EBF1: variants seen among roughly 807,000 people sequenced by gnomAD.
EBF1 encodes transcription factor COE1.
EBF1 carries 10 observed loss-of-function variants against 68.4 expected under a neutral mutation model. The observed-to-expected ratio is 0.15, with a 90% confidence interval of 0.09 to 0.25. The LOEUF (loss-of-function observed/expected upper bound fraction) is 0.25, where lower values mean the gene tolerates loss of function less well. EBF1 is among the 10% of genes least tolerant of loss of function. The pLI is 1.00. For synonymous variants in EBF1, 298 were observed against 299.8 expected, an observed-to-expected ratio of 0.99 and a Z score of 0.06; for missense variants, 509 against 794.4, an observed-to-expected ratio of 0.64 and a Z score of 4.32.
intron 9 of EBF1, 42 bp downstream of exon 9, chr5:158,796,303 C>G: frequency 6.4e-7 from 1 of 1,569,932 alleles, no homozygotes; most frequent in Non-Finnish European, 8.7e-7. Flanking sequence ...GTATCTTCAA[C>G]TAGATCAAGC....
At chr5:158,846,923 A>G (rs1791637255) in intron 6 of EBF1, among the ~76,000 whole-genome samples, 1 of 152,148 alleles carries the variant, frequency 6.6e-6, no homozygotes, top group Admixed American at 6.5e-5. Flanking sequence ...GAGGAATAAG[A>G]TCCTGGAGGG....
intron 7 of EBF1, among the ~76,000 whole-genome samples, chr5:158,834,805 T>C (rs1329341875): frequency 2.0e-5 from 3 of 152,216 alleles, no homozygotes; most frequent in African/African-American, 7.2e-5. Flanking sequence ...GACACGCTCC[T>C]GCGTTGCTAT....
intron 10 of EBF1, among the ~76,000 whole-genome samples, chr5:158,767,934 T>C (rs577106041): frequency 6.6e-6 from 1 of 152,248 alleles, no homozygotes; most frequent in South Asian, 2.1e-4. Context: ...GAGTTCCATT[T>C]TAACTTACGA....
At chr5:158,873,897 GATCAAC>G (rs1477523495) in intron 6 of EBF1, among the ~76,000 whole-genome samples, 1 of 152,238 alleles carries the variant, frequency 6.6e-6, no homozygotes, top group Non-Finnish European at 1.5e-5. Context: ...GCAGTATGCA[GATCAAC>G]AGTGAGAAGC....
intron 6 of EBF1, among the ~76,000 whole-genome samples, chr5:158,918,604 G>A (rs1026988888): frequency 6.6e-6 from 1 of 152,202 alleles, no homozygotes; most frequent in African/African-American, 2.4e-5. Flanking sequence ...GGAACACTGT[G>A]TGTATAGTTA....
At chr5:159,069,363 C>T (rs1366349882) in intron 6 of EBF1, among the ~76,000 whole-genome samples, 1 of 152,090 alleles carries the variant, frequency 6.6e-6, no homozygotes, top group East Asian at 1.9e-4. Context: ...AAGCTGCCCC[C>T]TATCCCACCC....
At chr5:158,768,076 C>T (rs997219521) in intron 10 of EBF1, among the ~76,000 whole-genome samples, 1 of 152,050 alleles carries the variant, frequency 6.6e-6, no homozygotes, top group Non-Finnish European at 1.5e-5. Context: ...GGAGCCGCTC[C>T]CAAGCTCTCA....
intron 6 of EBF1, among the ~76,000 whole-genome samples, chr5:158,967,970 C>T (rs1754512504): frequency 6.6e-6 from 1 of 152,112 alleles, no homozygotes; most frequent in South Asian, 2.1e-4. Flanking sequence ...ATCTAGAAGA[C>T]CTGTCTTGAA....
At chr5:158,796,929 G>T (rs1252609909) in intron 8 of EBF1, among the ~76,000 whole-genome samples, 1 of 152,142 alleles carries the variant, frequency 6.6e-6, no homozygotes, top group Non-Finnish European at 1.5e-5. Flanking sequence ...GAGGAGCCTG[G>T]AGCGGGAAAT....
intron 6 of EBF1, among the ~76,000 whole-genome samples, chr5:158,896,820 A>G (rs950143289): frequency 2.8e-4 from 42 of 152,124 alleles, no homozygotes; most frequent in African/African-American, 8.9e-4. Flanking sequence ...TCCACTTTTG[A>G]TATTTCATTT....
chr5:158,841,440 T>C (rs973389165), intron 6 of EBF1, among the ~76,000 whole-genome samples: 2 of 152,228 alleles, frequency 1.3e-5, no homozygotes, highest in Non-Finnish European at 2.9e-5. Context: ...GTGATGTGCC[T>C]GTGGATTTCA....
Position 158,713,074 on chromosome 5 carries a change from G to A in EBF1, c.1265C>T (p.Pro422Leu), listed in dbSNP as rs774052785. The change falls in exon 13 of 16, where the codon CCG becomes CTG. Residue 422 changes from proline to leucine, a missense_variant. Physicochemically the swap from Pro to Leu is moderately conservative, Grantham distance 98. Around this residue, in one of 3 missense-constraint regions of EBF1, gnomAD observed 205 missense variants for 247.4 expected, o/e 0.83. Transcript: ENST00000313708. The part of the protein sequence containing the change: ...YSVPRNHNQL[P>L]ALANTSVHAG... ...GTGGACCGAGGTGTTAGCAAGGGCCGGGAGTTGGTTGTGGTTGCGGGGAAC... is the reference window on the plus strand; with the variant it reads ...GTGGACCGAGGTGTTAGCAAGGGCCAGGAGTTGGTTGTGGTTGCGGGGAAC... The A allele has an allele frequency of 4.4e-6, 7 of 1,599,022 alleles. No individual in the cohort carries two copies. Among genetic ancestry groups the A allele is most frequent in the South Asian group, 1.1e-5 (1 of 88,676 alleles).
intron 6 of EBF1, among the ~76,000 whole-genome samples, chr5:158,958,832 A>G (rs1406769520): frequency 6.6e-6 from 1 of 152,158 alleles, no homozygotes; most frequent in Non-Finnish European, 1.5e-5. Context: ...TCCCACGTTC[A>G]ATGCCATGTG....
chr5:158,819,793 T>C (rs1784473161), intron 8 of EBF1, among the ~76,000 whole-genome samples: 1 of 152,284 alleles, frequency 6.6e-6, no homozygotes, highest in East Asian at 1.9e-4. Context: ...CTAGGCTAAA[T>C]GGTCCCATAA....
intron 8 of EBF1, among the ~76,000 whole-genome samples, chr5:158,805,249 C>T (rs916947376): frequency 6.6e-6 from 1 of 152,152 alleles, no homozygotes; most frequent in Admixed American, 6.6e-5. Flanking sequence ...AAGCAGTCTT[C>T]CTGGGCCTGG....
At chr5:158,883,065 AT>A (rs1188587996) in intron 6 of EBF1, among the ~76,000 whole-genome samples, 4 of 152,124 alleles carry the variant, frequency 2.6e-5, no homozygotes, top group African/African-American at 9.7e-5. Flanking sequence ...GCCTGCAGCC[AT>A]TTTGATCCTA....
At chr5:159,096,435 A>G (rs1334567855) in intron 2 of EBF1, 29 bp from the exon 3 acceptor site, 1 of 1,610,364 alleles carries the variant, frequency 6.2e-7, no homozygotes, top group Admixed American at 1.7e-5. Flanking sequence ...CAAAGACACA[A>G]GAGATGCAGG....
chr5:158,758,288 A>C (rs544789759), intron 10 of EBF1, among the ~76,000 whole-genome samples: 1 of 152,342 alleles, frequency 6.6e-6, no homozygotes, highest in African/African-American at 2.4e-5. Context: ...TTATACACGT[A>C]AGAAAATCAC....
At chr5:159,048,677 C>T (rs1464489853) in intron 6 of EBF1, among the ~76,000 whole-genome samples, 1 of 152,210 alleles carries the variant, frequency 6.6e-6, no homozygotes, top group Non-Finnish European at 1.5e-5. Flanking sequence ...TTTCCTGCTT[C>T]CTAAGATCAT....
Sources: allele counts gnomAD v4.1 joint callset (sites outside exome capture counted in the v4.1 genomes callset), GRCh38; gene constraint gnomAD v4.1.1; regional missense constraint gnomAD v4.1.1; transcripts MANE v1.5; gene names NCBI Gene and HGNC (gene_info 2026-07-23, HGNC 2026-07-21).